LDB2: variants seen among roughly 807,000 people sequenced by gnomAD.
LDB2 encodes LIM domain binding 2.
In LDB2, 12 loss-of-function variants were observed where a neutral mutation model predicts 44.3. That is an observed-to-expected ratio of 0.27 (90% CI 0.17 to 0.44). The LOEUF is 0.44. Ranked by LOEUF, LDB2 falls within the 20% of genes least tolerant of loss-of-function variation. The pLI is 1.00. For missense variants in LDB2, 344 were observed against 473.5 expected (o/e 0.73, Z 2.54); for synonymous variants, 164 against 174.8 (o/e 0.94, Z 0.49).
At chr4:16,868,504 G>C (rs1187802350) in intron 1 of LDB2, among the ~76,000 whole-genome samples, 1 of 152,158 alleles carries the variant, frequency 6.6e-6, no homozygotes, top group Non-Finnish European at 1.5e-5. Flanking sequence ...ACCCCAGACA[G>C]TCACTCAGCA....
intron 1 of LDB2, among the ~76,000 whole-genome samples, chr4:16,830,247 G>A (rs1707430933): frequency 6.6e-6 from 1 of 152,150 alleles, no homozygotes; most frequent in South Asian, 2.1e-4. Flanking sequence ...GAGGTGATTG[G>A]ATCATGCGGG....
chr4:16,757,844 T>G (rs939192371), intron 2 of LDB2, among the ~76,000 whole-genome samples: 1 of 152,130 alleles, frequency 6.6e-6, no homozygotes, highest in Non-Finnish European at 1.5e-5. Flanking sequence ...GAAGTAGGCT[T>G]ATCAGTGTTT....
intron 1 of LDB2, among the ~76,000 whole-genome samples, chr4:16,865,417 C>A (rs561670514): frequency 1.3e-5 from 2 of 152,138 alleles, no homozygotes; most frequent in South Asian, 2.1e-4. Flanking sequence ...ACGTTCCCTG[C>A]GACCAGCTTG....
At chr4:16,765,201 G>A (rs1000609377) in intron 1 of LDB2, among the ~76,000 whole-genome samples, 1 of 152,216 alleles carries the variant, frequency 6.6e-6, no homozygotes, top group Admixed American at 6.5e-5. Flanking sequence ...CTAAAAGAGA[G>A]TCTATCCAGA....
chr4:16,672,824 C>CTTCT (rs1328529534), intron 2 of LDB2, among the ~76,000 whole-genome samples: 1 of 61,188 alleles, frequency 1.6e-5, no homozygotes, highest in South Asian at 8.6e-4. Context: ...GCCTGCCTGC[C>CTTCT]TGCCTTCTTT....
chr4:16,706,000 T>G (rs1223946791), intron 2 of LDB2, among the ~76,000 whole-genome samples: 1 of 152,174 alleles, frequency 6.6e-6, no homozygotes, highest in African/African-American at 2.4e-5. Context: ...GCAAATCTTG[T>G]GGATAATAGC....
chr4:16,815,692 A>C (rs1780763483), intron 1 of LDB2, among the ~76,000 whole-genome samples: 1 of 152,192 alleles, frequency 6.6e-6, no homozygotes, highest in African/African-American at 2.4e-5. Flanking sequence ...AGAAGCTCTC[A>C]GTACTAGATT....
intron 1 of LDB2, among the ~76,000 whole-genome samples, chr4:16,762,595 C>G (rs1768168351): frequency 6.6e-6 from 1 of 152,158 alleles, no homozygotes; most frequent in Non-Finnish European, 1.5e-5. Context: ...AACGCACTAT[C>G]ACGAGAACAA....
intron 1 of LDB2, among the ~76,000 whole-genome samples, chr4:16,800,173 T>A (rs758415739): frequency 6.6e-5 from 10 of 152,178 alleles, no homozygotes; most frequent in Non-Finnish European, 1.3e-4. Flanking sequence ...GTGAAAAGCT[T>A]TCAAATGGGC....
rs80258737 is a variant in LDB2 at position 16,835,288 on chromosome 4, C to T, written c.132+63066G>A. Among the ~76,000 whole-genome samples the T allele has an allele frequency of 2.0e-3, 311 of 152,268 alleles. 4 individuals are homozygous for T. The East Asian group carries it at 0.036, about 18-fold the overall frequency. On this transcript the variant is annotated intron_variant, in intron 1 of 7. Transcript: ENST00000304523. ...TCTCAGGCTCCTTGCCAGTCAATGC[C>T]ATCCCCACACCCCAGACAGAGGTAG... is the stretch of plus-strand genomic sequence containing the variant.
At chr4:16,551,497 CTATT>C (rs1560446752) in intron 5 of LDB2, among the ~76,000 whole-genome samples, 2 of 151,944 alleles carry the variant, frequency 1.3e-5, no homozygotes, top group East Asian at 1.9e-4. Context: ...CTTCAACTAT[CTATT>C]TATTTTTATT....
intron 1 of LDB2, among the ~76,000 whole-genome samples, chr4:16,789,701 G>A (rs1237486373): frequency 2.0e-5 from 3 of 152,118 alleles, no homozygotes; most frequent in Non-Finnish European, 2.9e-5. Flanking sequence ...AGGCCAAGGC[G>A]AGCAGATCAC....
intron 2 of LDB2, among the ~76,000 whole-genome samples, chr4:16,720,763 TA>T (rs1401119166): frequency 2.6e-5 from 4 of 152,202 alleles, no homozygotes; most frequent in Admixed American, 2.0e-4. Context: ...ATAGTAATAT[TA>T]ATAGTCATTA....
chr4:16,629,687 T>C (rs1731331653), intron 2 of LDB2, among the ~76,000 whole-genome samples: 1 of 151,716 alleles, frequency 6.6e-6, no homozygotes, highest in Non-Finnish European at 1.5e-5. Flanking sequence ...CTAAAAACCT[T>C]GAAAAAAGGT....
intron 1 of LDB2, among the ~76,000 whole-genome samples, chr4:16,786,201 C>T (rs1260605094): frequency 2.0e-5 from 3 of 152,148 alleles, no homozygotes; most frequent in Admixed American, 6.5e-5. Flanking sequence ...ATAAGTCAGC[C>T]GATCTACCAG....
At chr4:16,604,629 CT>C (rs1025283539) in intron 2 of LDB2, among the ~76,000 whole-genome samples, 2 of 151,492 alleles carry the variant, frequency 1.3e-5, no homozygotes, top group Non-Finnish European at 2.9e-5. Context: ...GGGAATGTAT[CT>C]AGGACTAGGG....
Position 16,809,501 on chromosome 4 carries a change from C to T in LDB2, c.133-50241G>A, listed in dbSNP as rs554830792. 2.0e-5 allele frequency among the ~76,000 whole-genome samples: 3 copies of T among 152,230 alleles called. No homozygotes were observed. In the East Asian group the frequency reaches 5.8e-4, roughly 29 times the overall value. On this transcript the variant is annotated intron_variant, in intron 1 of 7. Coordinates refer to ENST00000304523, the MANE Select transcript of LDB2 (RefSeq NM_001290.5). ...CAGGCACAATTACTATACACTAAGA[C>T]CTTTGACTCCACACTTCACTCTTAA... is the stretch of plus-strand genomic sequence containing the variant.
intron 2 of LDB2, among the ~76,000 whole-genome samples, chr4:16,623,484 C>G (rs1298332654): frequency 6.6e-6 from 1 of 152,098 alleles, no homozygotes; most frequent in Non-Finnish European, 1.5e-5. Context: ...GTAATCCCAG[C>G]TACTCAGGAG....
At chr4:16,557,928 GAC>G (rs1376521620) in intron 5 of LDB2, among the ~76,000 whole-genome samples, 3 of 152,234 alleles carry the variant, frequency 2.0e-5, no homozygotes, top group Non-Finnish European at 4.4e-5. Flanking sequence ...CTGTTCTGCA[GAC>G]ACCGCTGCTG....
Sources: gnomAD v4.1 joint callset for allele counts (sites outside exome capture counted in the v4.1 genomes callset) on GRCh38, gnomAD v4.1.1 for gene constraint, MANE v1.5 for transcripts, NCBI Gene and HGNC (gene_info 2026-07-23, HGNC 2026-07-21) for gene names.